The following PIWIL1 variants were observed in gnomAD, a reference collection of about 807,000 sequenced individuals.
PIWIL1 encodes piwi-like protein 1.
PIWIL1 carries 73 observed loss-of-function variants against 114.4 expected under a neutral mutation model. The ratio of observed to expected loss-of-function variants is 0.64; its 90% CI spans 0.53 to 0.78. The LOEUF is 0.78. Ranked by LOEUF, PIWIL1 falls within the 30% of genes least tolerant of loss-of-function variation. The probability of loss-of-function intolerance (pLI) is 0.00; values close to 1 mark genes in which losing one functional copy is unlikely to be tolerated. For missense variants in PIWIL1, 723 were observed against 1,063.1 expected (o/e 0.68, Z 4.45); for synonymous variants, 375 against 369.0 (o/e 1.02, Z -0.19).
At chr12:130,409,844 TAACA>T in the PIWIL1 span, among the ~76,000 whole-genome samples, 1 of 152,226 alleles carries the variant, frequency 6.6e-6, no homozygotes, top group Non-Finnish European at 1.5e-5. Context: ...AAACCACTAT[TAACA>T]AACATTCATG....
rs1168687728 is a variant in PIWIL1, at chr12:130,362,808, G to A, written c.2013G>A (p.Leu671=). 8.7e-6 allele frequency: 14 copies of A among 1,614,112 alleles called. No individual in the cohort carries two copies. The highest frequency in any genetic ancestry group is 1.2e-5 in the Non-Finnish European group (14 of 1,180,012). ...RCIFQDRGQE[L]VDGLKVCLQA... Reference sequence around the variant, plus strand: ...TATTTCAGGATAGAGGACAGGAGCTGGTAGATGGGCTCAAAGTCTGCCTGC... The same window carrying A: ...TATTTCAGGATAGAGGACAGGAGCTAGTAGATGGGCTCAAAGTCTGCCTGC... The change falls in exon 17 of 21, where the codon CTG becomes CTA. Residue 671 remains leucine, a synonymous_variant. Coordinates refer to ENST00000245255, the MANE Select transcript of PIWIL1 (RefSeq NM_004764.5).
At chr12:130,358,926 G>A (rs991175723) in intron 14 of PIWIL1, among the ~76,000 whole-genome samples, 4 of 152,076 alleles carry the variant, frequency 2.6e-5, no homozygotes, top group African/African-American at 7.2e-5. Flanking sequence ...TGCTTTAGGC[G>A]TGGTCAGGCT....
Position 130,354,638 on chromosome 12 carries a change from C to T in PIWIL1, c.1146C>T (p.Leu382=), listed in dbSNP as rs775148722. The T allele has an allele frequency of 1.3e-6, 2 of 1,598,010 alleles. No individual in the cohort carries two copies. The highest frequency in any genetic ancestry group is 8.5e-7 in the Non-Finnish European group (1 of 1,174,894). Residue 382 remains leucine, a synonymous_variant, in exon 10 of 21, where the codon CTC becomes CTT. Transcript: ENST00000245255. ...GGACACTGCCAGGGCCTGCCATGCT[C>T]ATTCCTGAGCTCTGCTATCTTACAG... is the stretch of plus-strand genomic sequence containing the variant. ...PGGTLPGPAM[L]IPELCYLTGL...
At chr12:130,422,684 C>T in the PIWIL1 span, 1 of 685,810 alleles carries the variant, frequency 1.5e-6, no homozygotes, top group Non-Finnish European at 2.5e-6. The surrounding 1 kb of genome is among the most constrained non-coding windows in gnomAD (Gnocchi z 5.2). Context: ...TAGCTTTTAA[C>T]TGAAAGGTTA....
At chr12:130,424,859 C>T in the PIWIL1 span, 2 of 1,231,884 alleles carry the variant, frequency 1.6e-6, no homozygotes, top group South Asian at 4.1e-5. This position sits in a 1 kb window ranked among gnomAD's most constrained non-coding sequence, Gnocchi z 9.8. Context: ...CAGTGCAGTC[C>T]TTACGGGGTG....
At chr12:130,370,101 T>C (rs1593126317) in intron 19 of PIWIL1, among the ~76,000 whole-genome samples, 2 of 152,330 alleles carry the variant, frequency 1.3e-5, no homozygotes, top group East Asian at 3.9e-4. Flanking sequence ...AAGGTAGCTA[T>C]ACCATCTGTT....
chr12:130,361,459 TA>T, intron 15 of PIWIL1, 38 bp from the exon 16 acceptor site: 1 of 1,608,830 alleles, frequency 6.2e-7, no homozygotes, highest in South Asian at 1.1e-5. Flanking sequence ...ATGTTGCTGG[TA>T]CTCCATTGTA....
intron 10 of PIWIL1, 91 bp from the exon 11 acceptor site, chr12:130,354,797 G>A (rs1295935885): frequency 7.1e-7 from 1 of 1,401,568 alleles, no homozygotes; most frequent in African/African-American, 1.4e-5. Flanking sequence ...TTGTCTCCTG[G>A]GAATTCCCAC....
chr12:130,389,517 C>T, the PIWIL1 span, among the ~76,000 whole-genome samples: 2 of 152,044 alleles, frequency 1.3e-5, no homozygotes, highest in African/African-American at 4.8e-5. Context: ...CATTATTTTA[C>T]ACTTTTTCCA....
At chr12:130,340,020 C>G (rs4759453) in intron 1 of PIWIL1, among the ~76,000 whole-genome samples, 44,068 of 152,100 alleles carry the variant, frequency 0.29, 7,613 homozygotes, top group Middle Eastern at 0.44. Flanking sequence ...TGATTCGCAG[C>G]CTAGTTGGAG....
chr12:130,392,604 C>G, the PIWIL1 span, among the ~76,000 whole-genome samples: 366 of 111,446 alleles, frequency 3.3e-3, no homozygotes, highest in African/African-American at 8.0e-3. Context: ...AGGACCCGGT[C>G]ACCGTCATCA....
chr12:130,418,866 G>A, the PIWIL1 span, among the ~76,000 whole-genome samples: 4 of 152,250 alleles, frequency 2.6e-5, no homozygotes, highest in South Asian at 2.1e-4. Flanking sequence ...GCCACACCAC[G>A]GGAGGCATTT....
At chr12:130,369,092 C>T (rs1211498687) in intron 19 of PIWIL1, among the ~76,000 whole-genome samples, 1 of 152,100 alleles carries the variant, frequency 6.6e-6, no homozygotes. Context: ...TCATTCTCCT[C>T]CATGTTCATG....
the PIWIL1 span, chr12:130,412,620 TA>T: frequency 6.2e-7 from 1 of 1,613,636 alleles, no homozygotes; most frequent in Non-Finnish European, 8.5e-7. Context: ...TGCGCTTACC[TA>T]TTTTCTCCAC....
chr12:130,354,235 C>T (rs375544760), intron 9 of PIWIL1, among the ~76,000 whole-genome samples: 2 of 152,008 alleles, frequency 1.3e-5, no homozygotes, highest in South Asian at 4.2e-4. Context: ...GTTTCTAAAC[C>T]AAGAAATAAA....
chr12:130,399,780 A>G, the PIWIL1 span: 1 of 1,614,088 alleles, frequency 6.2e-7, no homozygotes, highest in African/African-American at 1.3e-5. Flanking sequence ...AAGAAGTTTG[A>G]GGGCACAAGG....
chr12:130,344,674 A>G (rs927076835), intron 3 of PIWIL1, among the ~76,000 whole-genome samples: 6 of 152,178 alleles, frequency 3.9e-5, no homozygotes, highest in African/African-American at 1.2e-4. Context: ...TGGGCTCATG[A>G]CTGCCATCAT....
intron 14 of PIWIL1, among the ~76,000 whole-genome samples, chr12:130,357,971 G>C (rs2073410574): frequency 6.6e-6 from 1 of 152,200 alleles, no homozygotes; most frequent in South Asian, 2.1e-4. Context: ...CAGAGAGCAG[G>C]GAGCCCTGAG....
chr12:130,341,941 C>A (rs2072927537), intron 1 of PIWIL1, among the ~76,000 whole-genome samples: 1 of 152,264 alleles, frequency 6.6e-6, no homozygotes, highest in African/African-American at 2.4e-5. Context: ...GTTTTGAAAT[C>A]AATGACTCCA....
Sources: gnomAD v4.1 joint callset for allele counts (sites outside exome capture counted in the v4.1 genomes callset) on GRCh38, gnomAD v4.1.1 for gene constraint, Gnocchi (gnomAD v3.1) non-coding constraint, MANE v1.5 for transcripts, NCBI Gene and HGNC (gene_info 2026-07-23, HGNC 2026-07-21) for gene names.